The following ME1 variants were observed in gnomAD, a reference collection of about 807,000 sequenced individuals.
ME1 encodes malic enzyme 1, also known as NADP-dependent malic enzyme.
In ME1, 74 loss-of-function variants were observed where a neutral mutation model predicts 66.4. That is an observed-to-expected ratio of 1.11 (90% confidence interval 0.92 to 1.35). The LOEUF is 1.35. Ranked by LOEUF, ME1 falls within the 40% of genes most tolerant of loss-of-function variation. The pLI, the probability that ME1 is intolerant of heterozygous loss-of-function variation, is 0.00. For missense variants in ME1, 750 were observed against 694.1 expected (o/e 1.08, Z -0.90); for synonymous variants, 251 against 235.6 (o/e 1.07, Z -0.60).
intron 6 of ME1, among the ~76,000 whole-genome samples, chr6:83,271,202 A>G (rs1767076012): frequency 6.6e-6 from 1 of 152,214 alleles, no homozygotes; most frequent in South Asian, 2.1e-4. Flanking sequence ...AGGATTATTA[A>G]GTAGTAACTA....
intron 2 of ME1, among the ~76,000 whole-genome samples, chr6:83,401,234 G>A (rs185866969): frequency 3.3e-5 from 5 of 152,134 alleles, no homozygotes; most frequent in Admixed American, 2.0e-4. Context: ...ACTTGGAAGG[G>A]TGAGGCAGGA....
intron 1 of ME1, among the ~76,000 whole-genome samples, chr6:83,419,795 T>TA (rs1300888908): frequency 6.6e-6 from 1 of 152,260 alleles, no homozygotes; most frequent in Non-Finnish European, 1.5e-5. Context: ...TAGAGACTGC[T>TA]AATTGCCTAC....
chr6:83,227,101 T>C (rs901953591), intron 11 of ME1, among the ~76,000 whole-genome samples: 1 of 152,200 alleles, frequency 6.6e-6, no homozygotes, highest in Non-Finnish European at 1.5e-5. Context: ...TCCAAATCAC[T>C]TGTGGAAAAT....
intron 6 of ME1, among the ~76,000 whole-genome samples, chr6:83,264,491 G>A (rs918379616): frequency 4.6e-5 from 7 of 152,060 alleles, no homozygotes; most frequent in African/African-American, 1.7e-4. Context: ...TATGAATTTG[G>A]GCAAAGTAAA....
intron 1 of ME1, among the ~76,000 whole-genome samples, chr6:83,424,332 C>T (rs1770328789): frequency 6.6e-6 from 1 of 151,396 alleles, no homozygotes; most frequent in South Asian, 2.1e-4. Flanking sequence ...AGACCAAGTA[C>T]TAAAAACAAG....
At chr6:83,264,664 C>T (rs989063973) in intron 6 of ME1, among the ~76,000 whole-genome samples, 6 of 152,154 alleles carry the variant, frequency 3.9e-5, no homozygotes, top group Admixed American at 2.0e-4. Context: ...GAGGAAGTCA[C>T]TGCAGATGTG....
At chr6:83,246,397 CTGA>C (rs1790623125) in intron 7 of ME1, among the ~76,000 whole-genome samples, 1 of 152,194 alleles carries the variant, frequency 6.6e-6, no homozygotes, top group African/African-American at 2.4e-5. Context: ...TTTCAACATT[CTGA>C]TGTTTAGTCT....
In ME1 at chr6:83,212,093, A is replaced by G. The variant is rs1789901215; in HGVS notation, c.1550T>C (p.Ile517Thr). ...RDVSLKIAEK[I>T]VKDAYQEKTA... is the part of the protein sequence containing the mutation. ...CTTTTCTTGGTATGCATCTTTCACA[A>G]TCTAGATATAAGAAAAGAATATTAA... The change falls in exon 14 of 14, where the codon ATT becomes ACT. Residue 517 changes from isoleucine to threonine, a missense_variant and splice_region_variant. Coordinates refer to ENST00000369705, the MANE Select transcript of ME1 (RefSeq NM_002395.6). 3.1e-6 allele frequency: 5 copies of G among 1,595,230 alleles called. No individual in the cohort carries two copies. Among genetic ancestry groups the G allele is most frequent in the Non-Finnish European group, 4.3e-6 (5 of 1,168,166 alleles).
chr6:83,279,004 C>A (rs866560059), intron 6 of ME1, among the ~76,000 whole-genome samples: 53 of 152,218 alleles, frequency 3.5e-4, no homozygotes, highest in Admixed American at 3.4e-3. Flanking sequence ...CCCCTTCCCC[C>A]CCAACCCTAT....
intron 3 of ME1, among the ~76,000 whole-genome samples, chr6:83,362,023 G>T (rs552630483): frequency 2.0e-5 from 3 of 152,326 alleles, no homozygotes; most frequent in Admixed American, 1.3e-4. Flanking sequence ...CTGGTTCACA[G>T]ATGGTTCTGC....
At chr6:83,250,236 T>G (rs1583340198) in intron 7 of ME1, among the ~76,000 whole-genome samples, 2 of 152,244 alleles carry the variant, frequency 1.3e-5, no homozygotes, top group East Asian at 1.9e-4. Context: ...ATAACAGGAT[T>G]GTTATTTTCC....
At chr6:83,368,682 C>A (rs570952219) in intron 3 of ME1, among the ~76,000 whole-genome samples, 1 of 152,250 alleles carries the variant, frequency 6.6e-6, no homozygotes, top group Non-Finnish European at 1.5e-5. Context: ...TAACACATTA[C>A]AATTTACTGA....
rs1562451072 is a variant in ME1, at chr6:83,223,910, G to GC, written c.1298dup (p.Ser434GlnfsTer4). The stretch of plus-strand genomic sequence containing the variant: ...GAAGAGTGACTGGATCAAAAGGACT[G>GC]CCACTGGCAAAAATTGCACGTCCCT... On this transcript the variant is annotated frameshift_variant, in exon 12 of 14. Transcript: ENST00000369705. LOFTEE classifies it high-confidence loss of function. The GC allele has an allele frequency of 1.9e-6, 3 of 1,613,806 alleles. No homozygotes were observed. The highest frequency in any genetic ancestry group is 1.7e-6 in the Non-Finnish European group (2 of 1,179,902).
intron 6 of ME1, among the ~76,000 whole-genome samples, chr6:83,266,930 T>C (rs1486015604): frequency 6.6e-6 from 1 of 152,164 alleles, no homozygotes; most frequent in Non-Finnish European, 1.5e-5. Context: ...ATTAAACCAT[T>C]TATGAATGAC....
intron 5 of ME1, among the ~76,000 whole-genome samples, chr6:83,324,272 A>C (rs921584228): frequency 1.3e-5 from 2 of 151,852 alleles, no homozygotes; most frequent in Non-Finnish European, 2.9e-5. Context: ...ATCACAATTA[A>C]AAGAACTAGA....
intron 3 of ME1, among the ~76,000 whole-genome samples, chr6:83,392,088 C>A (rs989138390): frequency 4.6e-5 from 7 of 152,212 alleles, no homozygotes; most frequent in African/African-American, 1.7e-4. Flanking sequence ...TAAAAGCTCT[C>A]AAAAAATAAT....
rs182934755 is a variant in ME1 at position 83,279,656 on chromosome 6, C to T, written c.705-25918G>A. 3.3e-5 allele frequency among the ~76,000 whole-genome samples: 5 copies of T among 152,082 alleles called. No homozygotes were observed. In the East Asian group the frequency reaches 9.6e-4, roughly 29 times the overall value. ...ATAGCCAAGAACTGTGTGACAATTA[C>T]AAAAGTTGTAAAATAATCACAATGA... On this transcript the variant is annotated intron_variant, in intron 6 of 13. Transcript: ENST00000369705.
intron 9 of ME1, among the ~76,000 whole-genome samples, chr6:83,230,135 TTTG>T (rs371189967): frequency 1.5e-4 from 23 of 151,812 alleles, no homozygotes; most frequent in Middle Eastern, 3.4e-3. Flanking sequence ...TCTGTTTTTT[TTTG>T]TTGTTGTTGT....
intron 1 of ME1, among the ~76,000 whole-genome samples, chr6:83,419,691 C>T (rs185563897): frequency 2.7e-4 from 41 of 152,162 alleles, no homozygotes; most frequent in African/African-American, 8.2e-4. Context: ...ATATTAAGAA[C>T]CATTCACCTC....
Sources: allele counts gnomAD v4.1 joint callset (sites outside exome capture counted in the v4.1 genomes callset), GRCh38; gene constraint gnomAD v4.1.1; transcripts MANE v1.5; gene names NCBI Gene and HGNC (gene_info 2026-07-23, HGNC 2026-07-21).